The following NFE2L3 variants were observed in gnomAD, a reference collection of about 807,000 sequenced individuals.
NFE2L3 encodes nuclear factor erythroid 2-related factor 3.
A neutral mutation model predicts 23.5 loss-of-function variants in NFE2L3; 18 were observed. The ratio of observed to expected loss-of-function variants is 0.77; its 90% CI spans 0.53 to 1.13. The LOEUF (loss-of-function observed/expected upper bound fraction) is 1.13. NFE2L3 is among the 50% of genes most tolerant of loss of function. The pLI is 0.00. For synonymous variants in NFE2L3, 424 were observed against 354.5 expected (o/e 1.20, Z -2.20); for missense variants, 1,152 against 877.2 (o/e 1.31, Z -3.96).
chr7:26,173,485 A>G (rs1453028846), intron 1 of NFE2L3: 1 of 152,186 alleles, frequency 6.6e-6, no homozygotes, highest in Non-Finnish European at 1.5e-5. Context: ...TCGAGATTAG[A>G]AGTTTCTCTC....
chr7:26,184,255 A>G (rs1782417000), intron 3 of NFE2L3: 2 of 399,060 alleles, frequency 5.0e-6, no homozygotes, highest in Non-Finnish European at 9.0e-6. Flanking sequence ...AAAGTAGCAA[A>G]TTACAAGATT....
rs752495931 is a variant in NFE2L3 at position 26,184,631 on chromosome 7, G to A, written c.933G>A (p.Gln311=). 6 of 1,613,918 alleles carry A rather than the reference G, an allele frequency of 3.7e-6. No individual in the cohort carries two copies. The South Asian group carries it at 6.6e-5, about 18-fold the overall frequency. ...YHVNFSQAIS[Q]DVNLHEAILL... ...TAAACTTCAGCCAGGCTATAAGTCA[G>A]GATGTGAATCTTCATGAGGCCATCT... The change falls in exon 4 of 4, where the codon CAG becomes CAA. Residue 311 remains glutamine (Q), a synonymous_variant. Coordinates refer to ENST00000056233, the MANE Select transcript of NFE2L3 (RefSeq NM_004289.7).
chr7:26,180,985 G>A (rs1392876604), intron 2 of NFE2L3, among the ~76,000 whole-genome samples: 1 of 150,942 alleles, frequency 6.6e-6, no homozygotes, highest in Non-Finnish European at 1.5e-5. Flanking sequence ...TTTTGAGGAA[G>A]GCGGCGGGGG....
rs1782476876 is a variant in NFE2L3, at chr7:26,186,010, TAC to T, written c.*229_*230del. On this transcript the variant is annotated 3_prime_UTR_variant, in exon 4 of 4. Transcript: ENST00000056233. ...ACAACTTTTCATGAAGTGCATTGTA[TAC>T]AAAATTCATAGTTATGTCCAAAGAA... 2.5e-6 allele frequency: 1 copy of T among 403,764 alleles called. No homozygotes were observed. The highest frequency in any genetic ancestry group is 2.1e-5 in the African/African-American group (1 of 48,594). 25.0% of individuals were successfully genotyped at this position (403,764 alleles called of 1,614,324 possible). A position where few individuals can be genotyped will look rare whatever the true frequency, so the allele number is the denominator to read the frequency against.
chr7:26,157,094 A>G (rs1784093117), intron 1 of NFE2L3, among the ~76,000 whole-genome samples: 1 of 151,802 alleles, frequency 6.6e-6, no homozygotes, highest in Admixed American at 6.6e-5. Context: ...CCTGGGTGAC[A>G]AAGCGAGACT....
chr7:26,184,772 A>T lies in NFE2L3; in HGVS notation c.1074A>T (p.Gly358=), dbSNP rs1782436463. Residue 358 remains glycine, a synonymous_variant, in exon 4 of 4, where the codon GGA becomes GGT. Transcript: ENST00000056233. ...HTTNPEQTLP[G]TNLTGFLSPV... is the part of the protein sequence containing the mutation. ...CCAATCCTGAGCAAACCCTTCCTGG[A>T]ACTAATTTGACAGGATTTCTTTCAC... 6.8e-6 allele frequency: 11 copies of T among 1,613,840 alleles called. No homozygotes were observed. The East Asian group carries it at 1.8e-4, about 26-fold the overall frequency.
intron 2 of NFE2L3, among the ~76,000 whole-genome samples, chr7:26,181,868 A>G (rs1209842439): frequency 6.6e-6 from 1 of 152,172 alleles, no homozygotes; most frequent in Non-Finnish European, 1.5e-5. Flanking sequence ...AAGTGATGTG[A>G]ACAGCTAAGG....
intron 1 of NFE2L3, chr7:26,173,425 TAC>T (rs1474498491): frequency 6.6e-6 from 1 of 152,228 alleles, no homozygotes; most frequent in African/African-American, 2.4e-5. Context: ...ATGCACATAT[TAC>T]AGATTTAGGG....
intron 1 of NFE2L3, chr7:26,174,330 GC>G (rs1784365430): frequency 6.6e-6 from 1 of 152,094 alleles, no homozygotes; most frequent in South Asian, 2.1e-4. Context: ...GTCAAGGGGA[GC>G]AAAAAATGGG....
intron 1 of NFE2L3, among the ~76,000 whole-genome samples, chr7:26,169,274 A>T (rs1784299853): frequency 6.6e-6 from 1 of 152,112 alleles, no homozygotes; most frequent in African/African-American, 2.4e-5. Flanking sequence ...AGTGTGAAGG[A>T]GGTTTATTAG....
chr7:26,170,883 G>A (rs1421922665), intron 1 of NFE2L3, among the ~76,000 whole-genome samples: 1 of 152,026 alleles, frequency 6.6e-6, no homozygotes, highest in African/African-American at 2.4e-5. Context: ...AAAACAGCAA[G>A]ACCCTTATCT....
Position 26,183,687 on chromosome 7 carries a change from G to T in NFE2L3, c.751-14G>T, listed in dbSNP as rs369712631. ...CTTTTATGTGAAAGATGCACTTTTT[G>T]TGTTTCTCTACAGAGACATCTGAAT... On this transcript the variant is annotated splice_polypyrimidine_tract_variant and intron_variant, in intron 2 of 3. Coordinates refer to ENST00000056233, the MANE Select transcript of NFE2L3 (RefSeq NM_004289.7). 3 of 1,562,882 alleles carry T rather than the reference G, an allele frequency of 1.9e-6. No homozygotes were observed. Among genetic ancestry groups the T allele is most frequent in the African/African-American group, 1.4e-5 (1 of 73,906 alleles).
At chr7:26,181,230 GCCT>G (rs1432058571) in intron 2 of NFE2L3, among the ~76,000 whole-genome samples, 1 of 152,132 alleles carries the variant, frequency 6.6e-6, no homozygotes, top group Non-Finnish European at 1.5e-5. Context: ...GCCCACTTTG[GCCT>G]CCCAAAGTGC....
intron 2 of NFE2L3, among the ~76,000 whole-genome samples, chr7:26,178,826 A>G (rs951282434): frequency 1.5e-4 from 23 of 151,968 alleles, no homozygotes; most frequent in African/African-American, 5.6e-4. Flanking sequence ...TTTAATAACC[A>G]CGTGGCACTT....
At chr7:26,153,413 G>T (rs1037549662) in intron 1 of NFE2L3, among the ~76,000 whole-genome samples, 12 of 152,166 alleles carry the variant, frequency 7.9e-5, no homozygotes, top group Admixed American at 5.2e-4. Flanking sequence ...CTGGGGTGTC[G>T]TTCTCTGGGA....
rs755242482 is a variant in NFE2L3, at chr7:26,183,723, C to A, written c.773C>A (p.Thr258Asn). Residue 258 changes from threonine (T) to asparagine (N), a missense_variant, in exon 3 of 4, where the codon ACT (threonine) becomes AAT (asparagine). By Grantham distance (65) the Thr-to-Asn change is moderately conservative. Coordinates refer to ENST00000056233, the MANE Select transcript of NFE2L3 (RefSeq NM_004289.7). ...RNERHLNGTD[T>N]SFSLEDLFQL... ...CAGAGACATCTGAATGGGACAGATA[C>A]TTCTTTCTCTCTGGAAGACTTATTC... The A allele has an allele frequency of 1.9e-6, 3 of 1,612,218 alleles. No homozygotes were observed. Among genetic ancestry groups the A allele is most frequent in the Admixed American group, 1.7e-5 (1 of 60,030 alleles).
chr7:26,160,408 G>A (rs1264981436), intron 1 of NFE2L3, among the ~76,000 whole-genome samples: 1 of 152,176 alleles, frequency 6.6e-6, no homozygotes, highest in East Asian at 1.9e-4. Flanking sequence ...TGAAATTGGG[G>A]AGAACTGGGT....
intron 1 of NFE2L3, among the ~76,000 whole-genome samples, chr7:26,161,136 G>A (rs1014636477): frequency 1.3e-5 from 2 of 152,124 alleles, no homozygotes; most frequent in Non-Finnish European, 2.9e-5. Flanking sequence ...GGTCATACTG[G>A]AAATGGTTGA....
chr7:26,175,857 T>TC (rs1432490418), intron 1 of NFE2L3, among the ~76,000 whole-genome samples: 1 of 141,364 alleles, frequency 7.1e-6, no homozygotes, highest in East Asian at 1.9e-4. Flanking sequence ...TCTTTTCTTT[T>TC]TTTTTTTTTT....
Sources: gnomAD v4.1 joint callset for allele counts (sites outside exome capture counted in the v4.1 genomes callset) on GRCh38, gnomAD v4.1.1 for gene constraint, MANE v1.5 for transcripts, NCBI Gene and HGNC (gene_info 2026-07-23, HGNC 2026-07-21) for gene names.